AGPS: variants seen among roughly 807,000 people sequenced by gnomAD.
AGPS encodes alkyldihydroxyacetonephosphate synthase, peroxisomal.
In AGPS, 26 loss-of-function variants were observed where a neutral mutation model predicts 90.7. The ratio of observed to expected loss-of-function variants is 0.29; its 90% CI spans 0.21 to 0.40. The LOEUF is 0.40. AGPS is among the 10% of genes least tolerant of loss of function. The pLI is 1.00. For synonymous variants in AGPS, 294 were observed against 285.3 expected (o/e 1.03, Z -0.31); for missense variants, 540 against 816.1 (o/e 0.66, Z 4.12).
intron 8 of AGPS, among the ~76,000 whole-genome samples, chr2:177,446,237 T>A (rs1686767735): frequency 6.6e-6 from 1 of 151,936 alleles, no homozygotes; most frequent in African/African-American, 2.4e-5. Flanking sequence ...CACTGCAAGC[T>A]CCGCCTCCTG....
chr2:177,434,201 T>G, intron 2 of AGPS, 126 bp from the exon 3 acceptor site: 1 of 695,418 alleles, frequency 1.4e-6, no homozygotes, highest in Non-Finnish European at 2.5e-6. Flanking sequence ...TCGTTCAGAG[T>G]TTATAGTTAC....
At chr2:177,524,368 T>C (rs973949863) in intron 19 of AGPS, among the ~76,000 whole-genome samples, 3 of 152,232 alleles carry the variant, frequency 2.0e-5, no homozygotes, top group African/African-American at 7.2e-5. Context: ...ATTATTACAA[T>C]ATGTCTATCT....
chr2:177,434,524 T>A, intron 3 of AGPS, 107 bp downstream of exon 3: 1 of 870,466 alleles, frequency 1.1e-6, no homozygotes, highest in Non-Finnish European at 1.8e-6. Context: ...GCAACTGTCA[T>A]GTTTTTTGTT....
intron 8 of AGPS, among the ~76,000 whole-genome samples, chr2:177,458,192 A>G (rs1231241557): frequency 6.6e-6 from 1 of 152,210 alleles, no homozygotes; most frequent in Non-Finnish European, 1.5e-5. Flanking sequence ...ACGTATCTCA[A>G]AATATTAAGA....
chr2:177,536,150 T>C (rs1255875566), intron 19 of AGPS, among the ~76,000 whole-genome samples: 2 of 152,086 alleles, frequency 1.3e-5, no homozygotes, highest in African/African-American at 2.4e-5. Context: ...TTACTAGAGG[T>C]GTAAAACCAG....
At chr2:177,422,824 G>A (rs1022125883) in intron 2 of AGPS, among the ~76,000 whole-genome samples, 2 of 151,948 alleles carry the variant, frequency 1.3e-5, no homozygotes, top group Non-Finnish European at 1.5e-5. Context: ...AAGAATAATT[G>A]GTGAATGAGT....
At chr2:177,476,817 G>A (rs1687793225) in intron 10 of AGPS, among the ~76,000 whole-genome samples, 1 of 151,904 alleles carries the variant, frequency 6.6e-6, no homozygotes, top group Admixed American at 6.6e-5. Flanking sequence ...GTCAGTTTTT[G>A]CTTCATATAT....
At chr2:177,486,562 T>C (rs989641639) in intron 11 of AGPS, among the ~76,000 whole-genome samples, 1 of 151,464 alleles carries the variant, frequency 6.6e-6, no homozygotes, top group Non-Finnish European at 1.5e-5. Flanking sequence ...AAATTCTTGA[T>C]TGAATAATGA....
chr2:177,468,376 A>G (rs1687519541), intron 9 of AGPS, 40 bp from the exon 10 acceptor site: 1 of 1,240,176 alleles, frequency 8.1e-7, no homozygotes, highest in Non-Finnish European at 1.2e-6. Context: ...ACATTCACTA[A>G]CAGATGTCTA....
chr2:177,520,895 T>C lies in AGPS; in HGVS notation c.1698-374T>C, dbSNP rs1689166022. On this transcript the variant is annotated intron_variant, in intron 17 of 19. Transcript: ENST00000264167. ...TCATTACTTCTAGATAACAAAACAA[T>C]AAAATCAGTGAAAATGGCATTTCAT... 1.3e-5 allele frequency among the ~76,000 whole-genome samples: 2 copies of C among 152,316 alleles called. 1 individual carries two copies. Among genetic ancestry groups the C allele is most frequent in the South Asian group, 4.1e-4 (2 of 4,830 alleles).
At chr2:177,417,611 G>C (rs958279410) in intron 1 of AGPS, among the ~76,000 whole-genome samples, 2 of 152,182 alleles carry the variant, frequency 1.3e-5, no homozygotes, top group African/African-American at 4.8e-5. Flanking sequence ...AGAATTATGA[G>C]ACTGGAAGTC....
chr2:177,448,649 T>C (rs1686847008), intron 8 of AGPS, among the ~76,000 whole-genome samples: 1 of 152,196 alleles, frequency 6.6e-6, no homozygotes, highest in African/African-American at 2.4e-5. Context: ...TCATAGATTT[T>C]TGTTTTATAT....
chr2:177,492,197 G>C (rs1280221718), intron 11 of AGPS, among the ~76,000 whole-genome samples: 2 of 152,220 alleles, frequency 1.3e-5, no homozygotes, highest in Non-Finnish European at 2.9e-5. Context: ...GAATTTACAA[G>C]TTGCTGGTAG....
chr2:177,401,400 T>C (rs1240180099), intron 1 of AGPS, among the ~76,000 whole-genome samples: 1 of 152,212 alleles, frequency 6.6e-6, no homozygotes, highest in Non-Finnish European at 1.5e-5. Context: ...GCTGCTCTCA[T>C]ACATGTTTGT....
intron 8 of AGPS, among the ~76,000 whole-genome samples, chr2:177,446,668 G>A (rs1466015177): frequency 6.6e-6 from 1 of 152,142 alleles, no homozygotes; most frequent in Non-Finnish European, 1.5e-5. Flanking sequence ...GCTGCTGTGT[G>A]GTGAAATGGG....
Position 177,486,161 on chromosome 2 carries a change from C to G in AGPS, c.1233+3975C>G, listed in dbSNP as rs77607947. Among the ~76,000 whole-genome samples, 960 of 152,302 alleles carry G rather than the reference C, an allele frequency of 6.3e-3. 11 individuals are homozygous for G. Among genetic ancestry groups the G allele is most frequent in the African/African-American group, 0.021 (869 of 41,568 alleles). On this transcript the variant is annotated intron_variant, in intron 11 of 19. Transcript: ENST00000264167. ...TTTAAAAGTCCAGATAGATAATATTCTATTCTCGAGCATTGCTCTTAATAA... is the reference window on the plus strand; with the variant it reads ...TTTAAAAGTCCAGATAGATAATATTGTATTCTCGAGCATTGCTCTTAATAA...
intron 12 of AGPS, among the ~76,000 whole-genome samples, chr2:177,496,420 T>C (rs1320599482): frequency 6.6e-6 from 1 of 152,174 alleles, no homozygotes; most frequent in Non-Finnish European, 1.5e-5. Context: ...TTTCTATCTT[T>C]ATAGATATTA....
chr2:177,411,802 A>G (rs7585952), intron 1 of AGPS, among the ~76,000 whole-genome samples: 131,332 of 152,154 alleles, frequency 0.86, 56,879 homozygotes, highest in East Asian at 0.95. Context: ...ATCCTGTTCT[A>G]TTATGTTGTT....
chr2:177,437,089 AT>A (rs1469899747), intron 5 of AGPS, 35 bp downstream of exon 5: 8 of 1,585,730 alleles, frequency 5.0e-6, no homozygotes, highest in Non-Finnish European at 6.9e-6. Flanking sequence ...TTAATTTAGT[AT>A]TGCTAAATTT....
Sources: allele counts gnomAD v4.1 joint callset (sites outside exome capture counted in the v4.1 genomes callset), GRCh38; gene constraint gnomAD v4.1.1; transcripts MANE v1.5; gene names NCBI Gene and HGNC (gene_info 2026-07-23, HGNC 2026-07-21).